LRRC37B: variants seen among roughly 807,000 people sequenced by gnomAD.
LRRC37B encodes the protein leucine-rich repeat-containing protein 37B.
In LRRC37B, 28 loss-of-function variants were observed where a neutral mutation model predicts 98.3. That is an observed-to-expected ratio of 0.28 (90% CI 0.21 to 0.39). The LOEUF (loss-of-function observed/expected upper bound fraction) is 0.39, where lower values mean the gene tolerates loss of function less well. Ranked by LOEUF, LRRC37B falls within the 10% of genes least tolerant of loss-of-function variation. LRRC37B has a pLI of 1.00. For synonymous variants in LRRC37B, 364 were observed against 442.7 expected (o/e 0.82, Z 2.23); for missense variants, 938 against 1,182.7 (o/e 0.79, Z 3.03).
At chr17:32,009,311 G>A (rs1233280121) in intron 1 of LRRC37B, among the ~76,000 whole-genome samples, 1 of 151,870 alleles carries the variant, frequency 6.6e-6, no homozygotes, top group Non-Finnish European at 1.5e-5. Flanking sequence ...GCCCAGGCTG[G>A]AGAGCAGTGG....
In LRRC37B at chr17:32,047,920, A is replaced by G. The variant is rs1312944003; in HGVS notation, c.2464+19A>G. ...TTTGGGGGTGAGCAGCTAGACACCA[A>G]TGACGAGAGTGATGTTAGCAGTGCA... On this transcript the variant is annotated intron_variant, in intron 9 of 11. Transcript: ENST00000327564. 1 of 1,614,128 alleles carries G rather than the reference A, an allele frequency of 6.2e-7. No homozygotes were observed.
chr17:32,022,421 A>G (rs766412346), exon 1 of LRRC37B: 4 of 1,613,294 alleles, frequency 2.5e-6, no homozygotes, highest in Non-Finnish European at 3.4e-6. Context: ...AGCTTAGCAT[A>G]ACTACAGAGC....
chr17:32,043,415 G>A (rs1377463729), intron 7 of LRRC37B, among the ~76,000 whole-genome samples: 2 of 151,968 alleles, frequency 1.3e-5, no homozygotes, highest in Non-Finnish European at 2.9e-5. Flanking sequence ...ACAAAAATGA[G>A]CCAGGTGTGG....
At chr17:32,037,934 A>T (rs147618882) in intron 7 of LRRC37B, among the ~76,000 whole-genome samples, 1 of 151,888 alleles carries the variant, frequency 6.6e-6, no homozygotes, top group Non-Finnish European at 1.5e-5. Context: ...AGTGAAACCC[A>T]GTCTCTACTA....
chr17:32,014,509 A>G (rs1910607339), intron 1 of LRRC37B, among the ~76,000 whole-genome samples: 1 of 152,258 alleles, frequency 6.6e-6, no homozygotes, highest in African/African-American at 2.4e-5. Flanking sequence ...ATGTATAAGC[A>G]GGTCTTTAGG....
intron 7 of LRRC37B, chr17:32,041,078 G>A (rs374120501): frequency 1.8e-5 from 14 of 765,432 alleles, no homozygotes; most frequent in East Asian, 4.9e-5. Flanking sequence ...GGGCCCTGGC[G>A]GAGGCGCAGC....
At position 32,034,929 on chromosome 17, in the gene LRRC37B, C is replaced by CT; in HGVS notation, c.2078dup (p.Thr694AspfsTer10). The CT allele has an allele frequency of 3.1e-6, 5 of 1,612,408 alleles. No homozygotes were observed. The highest frequency in any genetic ancestry group is 4.2e-6 in the Non-Finnish European group (5 of 1,179,032). On this transcript the variant is annotated frameshift_variant, in exon 6 of 12. Transcript: ENST00000327564. LOFTEE classifies it high-confidence loss of function. ...TTTCAGAATTCTCAATCGCAATCCT[C>CT]TGACTACTGTCGAAGATCCATATCT...
At chr17:32,050,511 G>A (rs977011845) in intron 11 of LRRC37B, 50 of 205,648 alleles carry the variant, frequency 2.4e-4, no homozygotes, top group Non-Finnish European at 4.4e-4. Context: ...ACCCTGGAGA[G>A]GAAGAAGACA....
chr17:32,040,111 T>G (rs2142255990), intron 7 of LRRC37B: 1 of 154,188 alleles, frequency 6.5e-6, no homozygotes, highest in Non-Finnish European at 1.4e-5. Flanking sequence ...AGTTTACACA[T>G]TTATCTACAA....
chr17:32,050,198 C>G (rs769427854), intron 11 of LRRC37B, 91 bp downstream of exon 14: 15 of 747,656 alleles, frequency 2.0e-5, no homozygotes, highest in African/African-American at 3.5e-5. Flanking sequence ...CGTCACTTTC[C>G]CACTTGACAT....
intron 6 of LRRC37B, among the ~76,000 whole-genome samples, chr17:32,035,218 A>C (rs1185744395): frequency 6.6e-6 from 1 of 152,202 alleles, no homozygotes; most frequent in African/African-American, 2.4e-5. Flanking sequence ...ATGTAGACAC[A>C]TGGAGGAATA....
intron 3 of LRRC37B, 121 bp from the exon 7 acceptor site, chr17:32,030,535 C>G: frequency 1.3e-6 from 1 of 782,050 alleles, no homozygotes; most frequent in Non-Finnish European, 1.9e-6. Context: ...AAATACAGGT[C>G]CAAATGTTTA....
chr17:32,019,391 C>T (rs1185642654), upstream of LRRC37B, among the ~76,000 whole-genome samples: 1 of 152,168 alleles, frequency 6.6e-6, no homozygotes, highest in East Asian at 1.9e-4. Flanking sequence ...CTGTAGGCTA[C>T]ACCACCTATG....
upstream of LRRC37B, among the ~76,000 whole-genome samples, chr17:32,019,631 T>A (rs934194174): frequency 6.6e-6 from 1 of 152,206 alleles, no homozygotes; most frequent in Non-Finnish European, 1.5e-5. Context: ...GGGGCTAGAG[T>A]GTTTTATTTA....
exon 1 of LRRC37B, chr17:32,021,071 A>G (rs747620192): frequency 6.2e-7 from 1 of 1,612,158 alleles, no homozygotes; most frequent in East Asian, 2.2e-5. Flanking sequence ...AGGGCATGGC[A>G]CACGCTTATA....
At chr17:32,046,272 T>TG (rs1466079552) in intron 8 of LRRC37B, among the ~76,000 whole-genome samples, 1 of 152,256 alleles carries the variant, frequency 6.6e-6, no homozygotes, top group Admixed American at 6.5e-5. Context: ...GTAGAAGTGA[T>TG]GCTGTTTTAT....
intron 2 of LRRC37B, among the ~76,000 whole-genome samples, chr17:32,027,417 G>C (rs1180914031): frequency 6.6e-6 from 1 of 151,360 alleles, no homozygotes; most frequent in Non-Finnish European, 1.5e-5. Context: ...TTGCAAGTGT[G>C]TGTGCGTGCT....
chr17:32,012,502 A>C lies in LRRC37B; in HGVS notation c.-191+4370A>C, dbSNP rs572600751. Among the ~76,000 whole-genome samples, 3 of 151,852 alleles carry C rather than the reference A, an allele frequency of 2.0e-5. 1 individual carries two copies. The highest frequency in any genetic ancestry group is 7.3e-5 in the African/African-American group (3 of 41,364). ...GAGGCCAAGGCGGGTGGATCACCTG[A>C]GGTCAGGAGTTCAAGACCAGACCGG... On this transcript the variant is annotated intron_variant, in intron 1 of 14. Transcript: ENST00000543378.
At chr17:32,041,864 C>T in intron 7 of LRRC37B, 1 of 458,110 alleles carries the variant, frequency 2.2e-6, no homozygotes, top group South Asian at 1.6e-5. Context: ...TAATGTTCCT[C>T]CAGGGCAGCC....
Sources: allele counts gnomAD v4.1 joint callset (sites outside exome capture counted in the v4.1 genomes callset), GRCh38; gene constraint gnomAD v4.1.1; transcripts MANE v1.5; gene names NCBI Gene and HGNC (gene_info 2026-07-23, HGNC 2026-07-21).